The following ZNF649 variants were observed in gnomAD, a reference collection of about 807,000 sequenced individuals.
The protein encoded by ZNF649 is zinc finger protein 649.
A neutral mutation model predicts 14.1 loss-of-function variants in ZNF649; 7 were observed. The observed-to-expected ratio is 0.49, with a 90% CI of 0.28 to 0.93. ZNF649 has a LOEUF of 0.93. ZNF649 is among the 40% of genes least tolerant of loss of function. The pLI is 0.10. For missense variants in ZNF649, 544 were observed against 608.1 expected, an observed-to-expected ratio of 0.89 and a Z score of 1.11; for synonymous variants, 227 against 212.3, an observed-to-expected ratio of 1.07 and a Z score of -0.60.
chr19:51,897,022 C>T (rs1228040786), intron 2 of ZNF649, 44 bp from the exon 3 acceptor site: 4 of 1,611,728 alleles, frequency 2.5e-6, no homozygotes, highest in Non-Finnish European at 2.5e-6. Context: ...CTTTTATTGA[C>T]ATGGAAGAAA....
At position 51,891,302 on chromosome 19, in the gene ZNF649, A is replaced by C; in HGVS notation, c.834T>G (p.Thr278=). The change falls in exon 5 of 5, where the codon ACT becomes ACG. Residue 278 remains threonine, a synonymous_variant. Transcript: ENST00000354957. The surrounding 1 kb of genome is among the most constrained non-coding windows in gnomAD (Gnocchi z 4.2). ...TTCCCGTGTGAATCCTTTGATGTTC[A>C]GTAAGCTCAGATTTCCTGGGGAAGG... ...GKAFPRKSEL[T]EHQRIHTGIK... The C allele has an allele frequency of 6.2e-7, 1 of 1,614,224 alleles. No homozygotes were observed. Among genetic ancestry groups the C allele is most frequent in the Non-Finnish European group, 8.5e-7 (1 of 1,180,038 alleles).
At position 51,891,150 on chromosome 19, in the gene ZNF649, T is replaced by C. The variant is rs756504248; in HGVS notation, c.986A>G (p.Gln329Arg). ...TCSECGKGFI[Q>R]KGNLNIHQRT... is the part of the protein sequence containing the mutation. ...TTGATGTATGTTGAGATTGCCCTTC[T>C]GAATGAAGCCTTTTCCACATTCACT... Residue 329 changes from glutamine to arginine, a missense_variant, in exon 5 of 5, where the codon CAG becomes CGG. Gln to Arg is a conservative substitution (Grantham distance 43). Coordinates refer to ENST00000354957, the MANE Select transcript of ZNF649 (RefSeq NM_023074.4). The surrounding 1 kb of genome is among the most constrained non-coding windows in gnomAD (Gnocchi z 4.2). 1.2e-6 allele frequency: 2 copies of C among 1,614,222 alleles called. No homozygotes were observed. Among genetic ancestry groups the C allele is most frequent in the African/African-American group, 1.3e-5 (1 of 75,064 alleles).
In ZNF649 at chr19:51,891,702, T is replaced by A. The variant is rs757055660; in HGVS notation, c.434A>T (p.Gln145Leu). The A allele has an allele frequency of 6.2e-7, 1 of 1,613,572 alleles. No homozygotes were observed. The highest frequency in any genetic ancestry group is 8.5e-7 in the Non-Finnish European group (1 of 1,179,894). Residue 145 changes from glutamine to leucine, a missense_variant, in exon 5 of 5, where the codon CAA becomes CTA. Gln to Leu is a moderately radical substitution (Grantham distance 113). Coordinates refer to ENST00000354957, the MANE Select transcript of ZNF649 (RefSeq NM_023074.4). This position sits in a 1 kb window ranked among gnomAD's most constrained non-coding sequence, Gnocchi z 4.2. ...AGGGAATTCAATTTCCGTAGGCATTTGTTCATGATTATCATGGAGAAAAGC... is the reference window on the plus strand; with the variant it reads ...AGGGAATTCAATTTCCGTAGGCATTAGTTCATGATTATCATGGAGAAAAGC... The part of the protein sequence containing the change: ...DGAFLHDNHE[Q>L]MPTEIEFPES...
Position 51,891,638 on chromosome 19 carries a change from AAGGAATTGT to A in ZNF649, c.489_497del (p.Gln164_Leu166del), listed in dbSNP as rs1174663135. 1 of 1,614,216 alleles carries A rather than the reference AAGGAATTGT, an allele frequency of 6.2e-7. No homozygotes were observed. The highest frequency in any genetic ancestry group is 2.2e-5 in the East Asian group (1 of 44,890). ...CTATGTTGTGTGTTTGCTGATGTTT[AAGGAATTGT>A]GACTTGGTGCTGATGGGTTTTCTAC... On this transcript the variant is annotated inframe_deletion, in exon 5 of 5. Transcript: ENST00000354957. The surrounding 1 kb of genome is among the most constrained non-coding windows in gnomAD (Gnocchi z 4.2).
chr19:51,900,591 T>C (rs2085088997), intron 1 of ZNF649: 1 of 153,510 alleles, frequency 6.5e-6, no homozygotes, highest in South Asian at 2.1e-4. Context: ...CACGCTCTGG[T>C]CATGAGAACG....
chr19:51,895,006 T>C (rs531634153), intron 4 of ZNF649, among the ~76,000 whole-genome samples: 2 of 152,370 alleles, frequency 1.3e-5, no homozygotes, highest in South Asian at 4.1e-4. Flanking sequence ...CTCTTCAGCC[T>C]GGCTAATCTG....
At chr19:51,902,156 G>C (rs887280446) in intron 1 of ZNF649, among the ~76,000 whole-genome samples, 2 of 152,048 alleles carry the variant, frequency 1.3e-5, no homozygotes, top group Non-Finnish European at 2.9e-5. Flanking sequence ...CTGGTGCTTC[G>C]ATCTTAGACT....
At chr19:51,895,339 T>C (rs1330026783) in intron 4 of ZNF649, among the ~76,000 whole-genome samples, 1 of 152,064 alleles carries the variant, frequency 6.6e-6, no homozygotes, top group Non-Finnish European at 1.5e-5. Flanking sequence ...TGTTTTTTTG[T>C]TTTTCGTTTC....
intron 4 of ZNF649, among the ~76,000 whole-genome samples, chr19:51,895,765 A>G (rs762295401): frequency 1.7e-4 from 26 of 151,814 alleles, no homozygotes; most frequent in Non-Finnish European, 3.1e-4. Flanking sequence ...AAGTATATAT[A>G]TAAATGTATA....
chr19:51,896,360 T>C (rs751426832), intron 4 of ZNF649, 112 bp downstream of exon 4: 9 of 857,464 alleles, frequency 1.0e-5, no homozygotes, highest in Non-Finnish European at 1.7e-5. Context: ...GAGAAGAAGA[T>C]GTGGCAGCTG....
chr19:51,901,950 C>CAAA (rs35820639), intron 1 of ZNF649, among the ~76,000 whole-genome samples: 50 of 63,560 alleles, frequency 7.9e-4, no homozygotes, highest in African/African-American at 2.2e-3. Context: ...GACTCTGTAT[C>CAAA]AAAAAAAAAA....
At chr19:51,892,374 CAA>C (rs5828499) in intron 4 of ZNF649, among the ~76,000 whole-genome samples, 19 of 107,716 alleles carry the variant, frequency 1.8e-4, no homozygotes, top group Admixed American at 4.2e-4. Flanking sequence ...GACTCCATCT[CAA>C]AAAAAAAAAA....
At position 51,890,183 on chromosome 19, in the gene ZNF649, T is replaced by C. The variant is rs2085008961; in HGVS notation, c.*435A>G. 1.3e-5 allele frequency: 2 copies of C among 156,724 alleles called. No homozygotes were observed. The highest frequency in any genetic ancestry group is 1.2e-4 in the Admixed American group (2 of 16,260). 9.7% of individuals were successfully genotyped at this position (156,724 alleles called of 1,614,324 possible). A position where few individuals can be genotyped will look rare whatever the true frequency, so the allele number is the denominator to read the frequency against. The stretch of plus-strand genomic sequence containing the variant: ...AAAAAGATTAGTGAACTGAAAGACA[T>C]AGCTATGAGAACTATAAAAAATGAA... On this transcript the variant is annotated 3_prime_UTR_variant, in exon 5 of 5. Coordinates refer to ENST00000354957, the MANE Select transcript of ZNF649 (RefSeq NM_023074.4).
In ZNF649 at chr19:51,899,989, T is replaced by C. The variant is rs2085085976; in HGVS notation, c.15+104A>G. 9 of 1,030,752 alleles carry C rather than the reference T, an allele frequency of 8.7e-6. No individual in the cohort carries two copies. In the Admixed American group the frequency reaches 2.3e-4, roughly 27 times the overall value. The allele number at this position is 1,030,752 out of a possible 1,614,324, so 63.9% of individuals were successfully genotyped here. On this transcript the variant is annotated intron_variant, in intron 2 of 4. Coordinates refer to ENST00000354957, the MANE Select transcript of ZNF649 (RefSeq NM_023074.4). ...GTCTAAGTCTGTTTCTCCCCAGAGC[T>C]CATTTTTTCCAATTTATACTTTTAA...
rs762981475 is a variant in ZNF649, at chr19:51,889,348, A to T, written c.*1270T>A. 1.3e-5 allele frequency: 2 copies of T among 152,216 alleles called. No homozygotes were observed. Among genetic ancestry groups the T allele is most frequent in the South Asian group, 4.1e-4 (2 of 4,834 alleles). 9.4% of individuals were successfully genotyped at this position (152,216 alleles called of 1,614,324 possible). On this transcript the variant is annotated 3_prime_UTR_variant, in exon 5 of 5. Transcript: ENST00000354957. ...GGCTACTAGAAAAAATACACCATAG[A>T]CTGACTGACTGCCTTAACAAACATT...
intron 1 of ZNF649, among the ~76,000 whole-genome samples, chr19:51,904,634 T>A (rs1462226881): frequency 1.3e-5 from 2 of 151,962 alleles, no homozygotes; most frequent in Admixed American, 6.6e-5. Flanking sequence ...GCGTCGGTGA[T>A]AAAGCCGGCG....
Position 51,890,600 on chromosome 19 carries a change from C to A in ZNF649, c.*18G>T. On this transcript the variant is annotated 3_prime_UTR_variant, in exon 5 of 5. Coordinates refer to ENST00000354957, the MANE Select transcript of ZNF649 (RefSeq NM_023074.4). ...AGCATTCCGCTGGAGGCTATATGAT[C>A]AAACAGCAAACTGTTTATCATGAAT... The A allele has an allele frequency of 1.3e-6, 2 of 1,552,296 alleles. No homozygotes were observed. The highest frequency in any genetic ancestry group is 2.3e-5 in the South Asian group (2 of 86,590).
At chr19:51,893,315 A>G (rs914844834) in intron 4 of ZNF649, among the ~76,000 whole-genome samples, 1 of 151,394 alleles carries the variant, frequency 6.6e-6, no homozygotes, top group Admixed American at 6.6e-5. Flanking sequence ...TATTCATAAG[A>G]CTCCCCATCT....
At chr19:51,894,130 C>CT (rs375331758) in intron 4 of ZNF649, among the ~76,000 whole-genome samples, 3,988 of 149,398 alleles carry the variant, frequency 0.027, 183 homozygotes, top group African/African-American at 0.093. Flanking sequence ...TCAAGCTAAT[C>CT]TTTTTTTTTT....
Sources: allele counts gnomAD v4.1 joint callset (sites outside exome capture counted in the v4.1 genomes callset), GRCh38; gene constraint gnomAD v4.1.1; non-coding constraint Gnocchi (gnomAD v3.1); transcripts MANE v1.5; gene names NCBI Gene and HGNC (gene_info 2026-07-23, HGNC 2026-07-21).